ANKRD31: variants seen among roughly 807,000 people sequenced by gnomAD.
ANKRD31 encodes ankyrin repeat domain-containing protein 31.
In ANKRD31, 147 loss-of-function variants were observed where a neutral mutation model predicts 186.0. The observed-to-expected ratio is 0.79, with a 90% CI of 0.69 to 0.91. The LOEUF is 0.91. ANKRD31 is among the 40% of genes least tolerant of loss of function. The probability of loss-of-function intolerance (pLI) is 0.00; values close to 1 mark genes in which losing one functional copy is unlikely to be tolerated. For missense variants in ANKRD31, 1,986 were observed against 2,148.8 expected, an observed-to-expected ratio of 0.92 and a Z score of 1.50; for synonymous variants, 673 against 736.4, an observed-to-expected ratio of 0.91 and a Z score of 1.39.
At chr5:75,072,497 ACT>A (rs2149997778) in intron 25 of ANKRD31, among the ~76,000 whole-genome samples, 1 of 152,200 alleles carries the variant, frequency 6.6e-6, no homozygotes, top group East Asian at 1.9e-4. Flanking sequence ...AGACTTGGTG[ACT>A]CTGTGTTGCT....
At chr5:75,157,417 G>A (rs1176825011) in intron 11 of ANKRD31, among the ~76,000 whole-genome samples, 3 of 152,128 alleles carry the variant, frequency 2.0e-5, no homozygotes. Context: ...AAAATGTGAG[G>A]AGAAAAAGAT....
At chr5:75,230,897 T>C (rs1279421707) in intron 1 of ANKRD31, among the ~76,000 whole-genome samples, 2 of 152,196 alleles carry the variant, frequency 1.3e-5, no homozygotes, top group African/African-American at 4.8e-5. Context: ...ACAAATATCG[T>C]TGTCTCTAGT....
intron 23 of ANKRD31, among the ~76,000 whole-genome samples, chr5:75,089,267 TGA>T (rs569429824): frequency 1.8e-3 from 272 of 152,308 alleles, no homozygotes; most frequent in African/African-American, 5.7e-3. Flanking sequence ...ATGCCCTCTC[TGA>T]GTAAGCATCA....
At chr5:75,207,916 C>G (rs1756359287) in intron 4 of ANKRD31, among the ~76,000 whole-genome samples, 1 of 150,830 alleles carries the variant, frequency 6.6e-6, no homozygotes, top group Non-Finnish European at 1.5e-5. Flanking sequence ...CTCCTTTATA[C>G]TCTTAAAAAT....
In ANKRD31 at chr5:75,169,028, A is replaced by G; in HGVS notation, c.1658T>C (p.Leu553Ser). The G allele has an allele frequency of 6.5e-7, 1 of 1,536,624 alleles. No individual in the cohort carries two copies. Among genetic ancestry groups the G allele is most frequent in the Non-Finnish European group, 8.7e-7 (1 of 1,146,408 alleles). ...ATCATGTAGGGGAGTAATCTGGTAT[A>G]ATCCTTTGATATTTACATCTGCTCC... ...KGGADVNIKG[L>S]YQITPLHDAV... The change falls in exon 11 of 26, where the codon TTA (leucine) becomes TCA (serine). Residue 553 changes from leucine to serine, a missense_variant. Coordinates refer to ENST00000506364, the MANE Select transcript of ANKRD31 (RefSeq NM_001372053.1).
intron 17 of ANKRD31, among the ~76,000 whole-genome samples, chr5:75,122,649 T>C (rs995831254): frequency 6.6e-6 from 1 of 152,156 alleles, no homozygotes; most frequent in African/African-American, 2.4e-5. Flanking sequence ...ATAAATGTGA[T>C]TTATTACATA....
At chr5:75,181,591 G>A (rs575082678) in intron 10 of ANKRD31, among the ~76,000 whole-genome samples, 18 of 152,042 alleles carry the variant, frequency 1.2e-4, no homozygotes, top group African/African-American at 3.9e-4. Flanking sequence ...GTAGGGACGC[G>A]GATGAAGCTG....
intron 11 of ANKRD31, among the ~76,000 whole-genome samples, chr5:75,168,205 G>A (rs1373399306): frequency 6.6e-6 from 1 of 152,090 alleles, no homozygotes; most frequent in Admixed American, 6.5e-5. Flanking sequence ...AGCCTTCTCC[G>A]CCTCTGCCTG....
chr5:75,132,174 G>A (rs1418936296), intron 17 of ANKRD31, among the ~76,000 whole-genome samples: 1 of 152,258 alleles, frequency 6.6e-6, no homozygotes, highest in African/African-American at 2.4e-5. Context: ...ACTTTGACGA[G>A]TTGAGGGAAG....
intron 15 of ANKRD31, among the ~76,000 whole-genome samples, chr5:75,143,709 T>C (rs1751222106): frequency 6.6e-6 from 1 of 152,140 alleles, no homozygotes; most frequent in African/African-American, 2.4e-5. Flanking sequence ...ATCTGATACA[T>C]TTCACGCCTG....
intron 3 of ANKRD31, among the ~76,000 whole-genome samples, chr5:75,211,821 A>G (rs780092182): frequency 1.8e-4 from 28 of 151,702 alleles, no homozygotes; most frequent in Non-Finnish European, 3.7e-4. Flanking sequence ...CCCTTTACTC[A>G]TTTTTTAATT....
intron 14 of ANKRD31, 56 bp downstream of exon 14, chr5:75,145,931 A>C: frequency 2.3e-6 from 3 of 1,327,142 alleles, no homozygotes; most frequent in Non-Finnish European, 2.9e-6. Context: ...GGAAATTTCT[A>C]TAAAAATAAG....
intron 2 of ANKRD31, among the ~76,000 whole-genome samples, chr5:75,223,642 T>C (rs934079996): frequency 3.9e-5 from 6 of 152,142 alleles, no homozygotes; most frequent in Admixed American, 3.3e-4. Context: ...AAGATGGGAA[T>C]GGATTCAAGG....
chr5:75,137,649 GAAGA>G (rs1372849843), intron 17 of ANKRD31, among the ~76,000 whole-genome samples: 3 of 152,080 alleles, frequency 2.0e-5, no homozygotes, highest in Non-Finnish European at 4.4e-5. Context: ...ATTTTGTGAT[GAAGA>G]AATAATGGAG....
At chr5:75,077,873 A>G (rs1391835410) in intron 25 of ANKRD31, among the ~76,000 whole-genome samples, 1 of 144,256 alleles carries the variant, frequency 6.9e-6, no homozygotes, top group African/African-American at 2.6e-5. Flanking sequence ...CGGAGGTTGC[A>G]GTGAGCCGAG....
In ANKRD31 at chr5:75,193,461, A is replaced by G. The variant is rs1466289649; in HGVS notation, c.1148T>C (p.Val383Ala). ...TNSSDQETAC[V>A]LRRSSRLEKL... ...TTCTAGTCTGGATGATCTCCTCAAC[A>G]CACACGCAGTTTCCTGATCAGAGCT... Residue 383 changes from valine (V) to alanine (A), a missense_variant, in exon 8 of 26, where the codon GTG becomes GCG. By Grantham distance (64) the Val-to-Ala change is moderately conservative. Transcript: ENST00000506364. 1.3e-6 allele frequency: 2 copies of G among 1,537,364 alleles called. No homozygotes were observed. The highest frequency in any genetic ancestry group is 2.0e-5 in the Admixed American group (1 of 50,980).
chr5:75,220,624 A>G (rs1757232798), intron 3 of ANKRD31, among the ~76,000 whole-genome samples: 1 of 144,336 alleles, frequency 6.9e-6, no homozygotes, highest in African/African-American at 2.8e-5. Context: ...ACTGGACAAC[A>G]AGAGCAAAAC....
chr5:75,093,560 A>T (rs1378215157), intron 22 of ANKRD31, among the ~76,000 whole-genome samples: 1 of 152,158 alleles, frequency 6.6e-6, no homozygotes, highest in African/African-American at 2.4e-5. Context: ...AGGCTCAATG[A>T]CTCAAGTAGG....
In ANKRD31 at chr5:75,236,616, C is replaced by T. The variant is rs758183881; in HGVS notation, c.71G>A (p.Ser24Asn). ...GGGCAGCTCCTTTTCTTCCAGGTCG[C>T]TCTCCGTCACTGAACCCTCTATCAC... ...ETVIEGSVTE[S>N]DLEEKELPWR... Residue 24 changes from serine (S) to asparagine (N), a missense_variant, in exon 1 of 26, where the codon AGC becomes AAC. Ser to Asn is a conservative substitution (Grantham distance 46). Transcript: ENST00000506364. 3.3e-6 allele frequency: 5 copies of T among 1,537,144 alleles called. No individual in the cohort carries two copies. In the African/African-American group the frequency reaches 4.1e-5, roughly 13 times the overall value.
Sources: allele counts gnomAD v4.1 joint callset (sites outside exome capture counted in the v4.1 genomes callset), GRCh38; gene constraint gnomAD v4.1.1; transcripts MANE v1.5; gene names NCBI Gene and HGNC (gene_info 2026-07-23, HGNC 2026-07-21).